TRIM33: variants seen among roughly 807,000 people sequenced by gnomAD.
The protein encoded by TRIM33 is E3 ubiquitin-protein ligase TRIM33.
Under a neutral mutation model 125.4 loss-of-function variants are expected in TRIM33, and 20 were observed. That is an observed-to-expected ratio of 0.16 (90% CI 0.11 to 0.23). The LOEUF is 0.23. TRIM33 is among the 10% of genes least tolerant of loss of function. The probability of loss-of-function intolerance (pLI) is 1.00; values close to 1 mark genes in which losing one functional copy is unlikely to be tolerated. For synonymous variants in TRIM33, 564 were observed against 513.9 expected (o/e 1.10, Z -1.32); for missense variants, 920 against 1,411.4 (o/e 0.65, Z 5.58).
intron 1 of TRIM33, among the ~76,000 whole-genome samples, chr1:114,486,657 C>A (rs1035488687): frequency 6.6e-6 from 1 of 150,652 alleles, no homozygotes; most frequent in African/African-American, 2.4e-5. Context: ...CAGGCAAAAT[C>A]AAGAGACCAA....
intron 11 of TRIM33, among the ~76,000 whole-genome samples, chr1:114,415,332 C>T (rs1227212680): frequency 6.6e-6 from 1 of 151,972 alleles, no homozygotes; most frequent in East Asian, 1.9e-4. Flanking sequence ...ACAAAGTCAG[C>T]ATAAAAAAGA....
At chr1:114,472,247 G>A (rs909644000) in intron 1 of TRIM33, among the ~76,000 whole-genome samples, 2 of 152,092 alleles carry the variant, frequency 1.3e-5, no homozygotes, top group African/African-American at 2.4e-5. Context: ...CAACATATAT[G>A]AGCATAATCC....
At chr1:114,429,427 G>C (rs1292668276) in intron 6 of TRIM33, among the ~76,000 whole-genome samples, 1 of 151,500 alleles carries the variant, frequency 6.6e-6, no homozygotes, top group East Asian at 1.9e-4. Context: ...TCCTGACCTT[G>C]TGATCCACCC....
intron 15 of TRIM33, chr1:114,404,643 T>C (rs896468894): frequency 1.3e-5 from 2 of 152,096 alleles, no homozygotes; most frequent in African/African-American, 4.8e-5. Flanking sequence ...CTCTAGCAAA[T>C]AACTCTATCT....
intron 4 of TRIM33, among the ~76,000 whole-genome samples, chr1:114,438,313 A>G (rs1648433719): frequency 6.6e-6 from 1 of 152,124 alleles, no homozygotes; most frequent in African/African-American, 2.4e-5. Flanking sequence ...ACCCAGTTTC[A>G]TTTTTCTTCA....
At chr1:114,401,679 TGGAA>T (rs1407314162) in intron 16 of TRIM33, among the ~76,000 whole-genome samples, 1 of 152,172 alleles carries the variant, frequency 6.6e-6, no homozygotes, top group African/African-American at 2.4e-5. Context: ...TAAGTAAGAA[TGGAA>T]GATAACTAAG....
chr1:114,502,904 A>G (rs1652794806), intron 1 of TRIM33, among the ~76,000 whole-genome samples: 1 of 152,200 alleles, frequency 6.6e-6, no homozygotes, highest in Non-Finnish European at 1.5e-5. Context: ...CATTTTAAAG[A>G]TCTCTTTAAC....
rs1054798565 is a variant in TRIM33, at chr1:114,491,775, G to T, written c.526+18776C>A. On this transcript the variant is annotated intron_variant, in intron 1 of 19. Coordinates refer to ENST00000358465, the MANE Select transcript of TRIM33 (RefSeq NM_015906.4). ...GCCGTAACTGGGCCACTGCATTCCA[G>T]CCTGGGTGATAGAGCAAGACCCTGT... Among the ~76,000 whole-genome samples, 4 of 152,178 alleles carry T rather than the reference G, an allele frequency of 2.6e-5. No homozygotes were observed. The East Asian group carries it at 7.7e-4, about 29-fold the overall frequency.
At chr1:114,464,182 T>C in intron 2 of TRIM33, 88 bp downstream of exon 2, 1 of 647,358 alleles carries the variant, frequency 1.5e-6, no homozygotes, top group South Asian at 2.3e-5. Context: ...AGAACCACCC[T>C]AAATGACTTA....
At chr1:114,412,688 T>C (rs114485861) in intron 11 of TRIM33, among the ~76,000 whole-genome samples, 1,918 of 152,324 alleles carry the variant, frequency 0.013, 47 homozygotes, top group African/African-American at 0.044. Flanking sequence ...TGGATCCAGT[T>C]CATTCCTTTT....
chr1:114,435,769 C>T (rs1008536620), intron 4 of TRIM33, among the ~76,000 whole-genome samples: 1 of 151,544 alleles, frequency 6.6e-6, no homozygotes, highest in African/African-American at 2.4e-5. Context: ...CTCTATCACC[C>T]AAGCTGGAAT....
At chr1:114,444,682 G>A (rs1416151121) in intron 4 of TRIM33, among the ~76,000 whole-genome samples, 1 of 152,238 alleles carries the variant, frequency 6.6e-6, no homozygotes, top group Non-Finnish European at 1.5e-5. Context: ...CAAGCTTACA[G>A]TAATTTAAAT....
chr1:114,505,838 G>C (rs1418883292), intron 1 of TRIM33, among the ~76,000 whole-genome samples: 1 of 152,132 alleles, frequency 6.6e-6, no homozygotes, highest in Admixed American at 6.5e-5. Flanking sequence ...AAAGTGCTGG[G>C]ATCACAGGCA....
chr1:114,481,519 T>C (rs1474054912), intron 1 of TRIM33, among the ~76,000 whole-genome samples: 2 of 147,568 alleles, frequency 1.4e-5, no homozygotes, highest in Non-Finnish European at 3.0e-5. Context: ...TGAATCTGGG[T>C]GGCAGAGGTT....
chr1:114,464,338 G>C lies in TRIM33; in HGVS notation c.577C>G (p.Leu193Val). 6.2e-7 allele frequency: 1 copy of C among 1,611,218 alleles called. No individual in the cohort carries two copies. The highest frequency in any genetic ancestry group is 1.1e-5 in the South Asian group (1 of 90,568). Reference sequence around the variant, plus strand: ...TCTTTCACAAAATAATTATCCACAAGGTCTATCTGTCTGCATTCTTGGCGG... The same window carrying C: ...TCTTTCACAAAATAATTATCCACAACGTCTATCTGTCTGCATTCTTGGCGG... ...VCRQECRQID[L>V]VDNYFVKDTS... The change falls in exon 2 of 20, where the codon CTT becomes GTT. Residue 193 changes from leucine (L) to valine (V), a missense_variant. Coordinates refer to ENST00000358465, the MANE Select transcript of TRIM33 (RefSeq NM_015906.4).
At chr1:114,440,333 T>C (rs928279099) in intron 4 of TRIM33, among the ~76,000 whole-genome samples, 1 of 151,188 alleles carries the variant, frequency 6.6e-6, no homozygotes, top group Non-Finnish European at 1.5e-5. Flanking sequence ...GGAAAGAAAG[T>C]ATCTTAATTT....
At chr1:114,490,298 A>G (rs1198807956) in intron 1 of TRIM33, among the ~76,000 whole-genome samples, 1 of 152,198 alleles carries the variant, frequency 6.6e-6, no homozygotes, top group Non-Finnish European at 1.5e-5. Context: ...AAAATGCTCA[A>G]CGTCATTAGC....
At chr1:114,407,130 T>C in intron 13 of TRIM33, 30 bp from the exon 14 acceptor site, 2 of 1,581,324 alleles carry the variant, frequency 1.3e-6, no homozygotes, top group Non-Finnish European at 1.7e-6. Context: ...AAAGATCACA[T>C]ACGTTTGACT....
At chr1:114,506,383 C>CAAAAA (rs370539194) in intron 1 of TRIM33, among the ~76,000 whole-genome samples, 14 of 89,884 alleles carry the variant, frequency 1.6e-4, no homozygotes, top group African/African-American at 4.4e-4. Context: ...AAAACTGTCT[C>CAAAAA]AAAAAAAAAA....
Sources: gnomAD v4.1 joint callset for allele counts (sites outside exome capture counted in the v4.1 genomes callset) on GRCh38, gnomAD v4.1.1 for gene constraint, MANE v1.5 for transcripts, NCBI Gene and HGNC (gene_info 2026-07-23, HGNC 2026-07-21) for gene names.